The following ARID1A variants were observed in gnomAD, a reference collection of about 807,000 sequenced individuals.
The protein encoded by ARID1A is AT-rich interaction domain 1A.
In ARID1A, 20 loss-of-function variants were observed where a neutral mutation model predicts 212.6. The ratio of observed to expected loss-of-function variants is 0.09; its 90% confidence interval spans 0.07 to 0.14. ARID1A has a LOEUF of 0.14. ARID1A is among the 10% of genes least tolerant of loss of function. The pLI is 1.00. For synonymous variants in ARID1A, 1,376 were observed against 1,222.1 expected (o/e 1.13, Z -2.63); for missense variants, 2,587 against 3,059.0 (o/e 0.85, Z 3.64).
intron 1 of ARID1A, among the ~76,000 whole-genome samples, chr1:26,705,701 G>T (rs546860990): frequency 1.6e-4 from 25 of 152,276 alleles, no homozygotes; most frequent in African/African-American, 6.0e-4. Context: ...TGACTTAGTA[G>T]CCTTGAGTAT....
rs769213510 is a variant in ARID1A, at chr1:26,731,287, G to C, written c.1486G>C (p.Ala496Pro). 5.6e-6 allele frequency: 9 copies of C among 1,613,332 alleles called. No individual in the cohort carries two copies. The highest frequency in any genetic ancestry group is 7.6e-6 in the Non-Finnish European group (9 of 1,179,846). ...SQQPPSQTPH[A>P]QPSYQQQPQS... ...GCAACCACCGTCCCAGACCCCTCAT[G>C]CCCAACCTTCGTATCAGCAGCAGCC... Residue 496 changes from alanine to proline, a missense_variant, in exon 3 of 20, where the codon GCC becomes CCC. Ala to Pro is a conservative substitution (Grantham distance 27). Transcript: ENST00000324856.
At chr1:26,712,713 C>T (rs568631693) in intron 1 of ARID1A, among the ~76,000 whole-genome samples, 41 of 152,154 alleles carry the variant, frequency 2.7e-4, no homozygotes, top group African/African-American at 9.6e-4. Context: ...AAAAATAAAC[C>T]CTCTAAGTAG....
Position 26,696,275 on chromosome 1 carries a change from G to A in ARID1A, c.-129G>A. On this transcript the variant is annotated 5_prime_UTR_variant, in exon 1 of 20. Coordinates refer to ENST00000324856, the MANE Select transcript of ARID1A (RefSeq NM_006015.6). ...AGAGGAGCGAGCGCAGCGCAGCAGC[G>A]GAGCCCCGCGAGGCCCGCCCGGGCG... is the stretch of plus-strand genomic sequence containing the variant. The A allele has an allele frequency of 9.1e-7, 1 of 1,104,716 alleles. No individual in the cohort carries two copies. The highest frequency in any genetic ancestry group is 1.1e-6 in the Non-Finnish European group (1 of 886,192). The allele number at this position is 1,104,716 out of a possible 1,614,324, so 68.4% of individuals were successfully genotyped here.
At chr1:26,762,410 G>A in intron 7 of ARID1A, 91 bp downstream of exon 7, 1 of 1,427,338 alleles carries the variant, frequency 7.0e-7, no homozygotes, top group South Asian at 1.4e-5. Context: ...GTAACCTTGT[G>A]AGAGAAGGGC....
intron 1 of ARID1A, among the ~76,000 whole-genome samples, chr1:26,712,956 T>A (rs914359323): frequency 6.6e-6 from 1 of 152,248 alleles, no homozygotes; most frequent in Admixed American, 6.5e-5. Flanking sequence ...GGTTTCTCTG[T>A]CCTTCCCATT....
At chr1:26,756,021 A>C (rs1570597676) in intron 4 of ARID1A, among the ~76,000 whole-genome samples, 1 of 151,274 alleles carries the variant, frequency 6.6e-6, no homozygotes, top group Non-Finnish European at 1.5e-5. Flanking sequence ...GGGATTACAG[A>C]CGTGAGCCAC....
rs111392081 is a variant in ARID1A, at chr1:26,722,001, TG to T, written c.1138-7648del. On this transcript the variant is annotated intron_variant, in intron 1 of 19. Coordinates refer to ENST00000324856, the MANE Select transcript of ARID1A (RefSeq NM_006015.6). ...CTTCTGGTCTGGAAGGATAGAGATA[TG>T]GTAGTCTATATATCTCTAAGCCCAG... Among the ~76,000 whole-genome samples the T allele has an allele frequency of 1.5e-3, 223 of 152,328 alleles. 1 individual carries two copies. Among genetic ancestry groups the T allele is most frequent in the African/African-American group, 5.1e-3 (210 of 41,566 alleles).
At chr1:26,773,547 G>C (rs1403270591) in intron 15 of ARID1A, 33 bp from the exon 16 acceptor site, 1 of 1,614,178 alleles carries the variant, frequency 6.2e-7, no homozygotes, top group Non-Finnish European at 8.5e-7. Context: ...TGAAGCTATA[G>C]TGGGCTCAAT....
At chr1:26,735,116 A>G (rs974223749) in intron 4 of ARID1A, among the ~76,000 whole-genome samples, 3 of 131,610 alleles carry the variant, frequency 2.3e-5, no homozygotes, top group African/African-American at 8.4e-5. Context: ...AAAATCCAGA[A>G]TTTTTTTTTT....
intron 8 of ARID1A, chr1:26,764,152 A>G (rs532877495): frequency 3.8e-4 from 57 of 151,702 alleles, no homozygotes; most frequent in African/African-American, 1.2e-3. Context: ...ATATTTTTAG[A>G]CTGGGTTTCA....
chr1:26,757,024 A>T (rs2080946085), intron 4 of ARID1A, among the ~76,000 whole-genome samples: 1 of 152,118 alleles, frequency 6.6e-6, no homozygotes, highest in Non-Finnish European at 1.5e-5. Flanking sequence ...TGTTTTTATC[A>T]TGAGAATGTT....
chr1:26,777,665 G>C (rs1465066238), intron 19 of ARID1A, among the ~76,000 whole-genome samples: 2 of 152,144 alleles, frequency 1.3e-5, no homozygotes, highest in Non-Finnish European at 2.9e-5. Context: ...GGGTGCAGTG[G>C]CTCACGCCTG....
chr1:26,697,369 C>T lies in ARID1A; in HGVS notation c.966C>T (p.Asp322=). The stretch of plus-strand genomic sequence containing the variant: ...GCGACTACAGTGGCGGGCCCCAGGA[C>T]GGGGGCGCCGGCAAGGGCCCGGCGG... ...PGGDYSGGPQ[D]GGAGKGPADM... The change falls in exon 1 of 20, where the codon GAC becomes GAT. Residue 322 remains aspartate, a synonymous_variant. Transcript: ENST00000324856. 1 of 1,316,054 alleles carries T rather than the reference C, an allele frequency of 7.6e-7. No individual in the cohort carries two copies. The highest frequency in any genetic ancestry group is 2.2e-5 in the South Asian group (1 of 44,684). The allele number at this position is 1,316,054 out of a possible 1,614,324, so 81.5% of individuals were successfully genotyped here.
In ARID1A at chr1:26,696,589, C is replaced by T; in HGVS notation, c.186C>T (p.Ala62=). The T allele has an allele frequency of 8.1e-7, 1 of 1,230,694 alleles. No individual in the cohort carries two copies. Among genetic ancestry groups the T allele is most frequent in the Non-Finnish European group, 1.0e-6 (1 of 988,798 alleles). The allele number at this position is 1,230,694 out of a possible 1,614,324, so 76.2% of individuals were successfully genotyped here. ...CCGGGCAGGAAAGCGAGGGCCCCGC[C>T]GTGGGGCCGCCGCAGCCGCTGGGAA... The part of the protein sequence containing the change: ...AAAGQESEGP[A]VGPPQPLGKE... Residue 62 remains alanine, a synonymous_variant, in exon 1 of 20, where the codon GCC becomes GCT. Transcript: ENST00000324856.
At chr1:26,751,848 T>G (rs1366744830) in intron 4 of ARID1A, among the ~76,000 whole-genome samples, 1 of 152,196 alleles carries the variant, frequency 6.6e-6, no homozygotes. Flanking sequence ...AAGAAGAGTC[T>G]TAACCCTTCT....
At chr1:26,743,033 C>A (rs1417589549) in intron 4 of ARID1A, among the ~76,000 whole-genome samples, 2 of 152,132 alleles carry the variant, frequency 1.3e-5, no homozygotes, top group Non-Finnish European at 2.9e-5. Flanking sequence ...CAGATTGTAT[C>A]CAGTAATATT....
chr1:26,754,944 C>A (rs2080915444), intron 4 of ARID1A, among the ~76,000 whole-genome samples: 1 of 152,172 alleles, frequency 6.6e-6, no homozygotes, highest in African/African-American at 2.4e-5. Context: ...CATGGTGAAA[C>A]CCCACCACTA....
At chr1:26,766,840 ACT>A (rs2081044188) in intron 10 of ARID1A, among the ~76,000 whole-genome samples, 1 of 151,982 alleles carries the variant, frequency 6.6e-6, no homozygotes. Flanking sequence ...GCAGCATCAA[ACT>A]CTCTGTACTG....
intron 1 of ARID1A, chr1:26,729,138 T>G (rs1364968777): frequency 6.3e-6 from 1 of 157,576 alleles, no homozygotes; most frequent in African/African-American, 2.4e-5. Context: ...CAACTGTCAC[T>G]TAGCTGCTTT....
Sources: allele counts gnomAD v4.1 joint callset (sites outside exome capture counted in the v4.1 genomes callset), GRCh38; gene constraint gnomAD v4.1.1; transcripts MANE v1.5; gene names NCBI Gene and HGNC (gene_info 2026-07-23, HGNC 2026-07-21).